Variants in DST observed in about 807,000 individuals in gnomAD.
The protein encoded by DST is bullous pemphigoid antigen.
In DST, 253 loss-of-function variants were observed where a neutral mutation model predicts 875.2. The observed-to-expected ratio is 0.29, with a 90% CI of 0.26 to 0.32. The LOEUF is 0.32. Ranked by LOEUF, DST falls within the 10% of genes least tolerant of loss-of-function variation. The pLI, the probability that DST is intolerant of heterozygous loss-of-function variation, is 1.00. For missense variants in DST, 8,287 were observed against 9,111.6 expected (o/e 0.91, Z 3.68); for synonymous variants, 3,124 against 3,197.1 (o/e 0.98, Z 0.77).
At position 56,577,649 on chromosome 6, in the gene DST, T is replaced by G. The variant is rs547697050; in HGVS notation, c.13027+1165A>C. Among the ~76,000 whole-genome samples, 66 of 152,286 alleles carry G rather than the reference T, an allele frequency of 4.3e-4. 1 individual carries two copies. The Middle Eastern group carries it at 0.02, about 47-fold the overall frequency. Reference sequence around the variant, plus strand: ...TTCCATTCTTCTCTTCAAATAAAATTTTGACTCAGATTTTAATTCATGCTC... The same window carrying G: ...TTCCATTCTTCTCTTCAAATAAAATGTTGACTCAGATTTTAATTCATGCTC... On this transcript the variant is annotated intron_variant, in intron 50 of 103. Transcript: ENST00000680361.
intron 4 of DST, among the ~76,000 whole-genome samples, chr6:56,802,080 A>G (rs758445534): frequency 6.6e-6 from 1 of 152,160 alleles, no homozygotes; most frequent in Non-Finnish European, 1.5e-5. Flanking sequence ...GAGAGAAACT[A>G]AAGCCAATTT....
intron 69 of DST, among the ~76,000 whole-genome samples, chr6:56,525,767 C>CA (rs1187773499): frequency 6.6e-6 from 1 of 152,194 alleles, no homozygotes; most frequent in East Asian, 1.9e-4. Flanking sequence ...TCATTGCCCA[C>CA]AGTCTTCCCA....
intron 4 of DST, among the ~76,000 whole-genome samples, chr6:56,742,936 C>T (rs1445485371): frequency 1.3e-5 from 2 of 152,100 alleles, no homozygotes; most frequent in Non-Finnish European, 2.9e-5. Context: ...GTAGTACTGT[C>T]CTCAGTTTAA....
chr6:56,594,193 C>T lies in DST; in HGVS notation c.12196G>A (p.Ala4066Thr). 6.6e-7 allele frequency: 1 copy of T among 1,512,410 alleles called. No individual in the cohort carries two copies. The highest frequency in any genetic ancestry group is 8.8e-7 in the Non-Finnish European group (1 of 1,137,188). The allele number at this position is 1,512,410 out of a possible 1,614,324, so 93.7% of individuals were successfully genotyped here. Residue 4066 changes from alanine (A) to threonine (T), a missense_variant and splice_region_variant, in exon 48 of 104, where the codon GCC (alanine) becomes ACC (threonine). Transcript: ENST00000680361. ...NLNQQYQKVK[A>T]QHEKIISQHQ... Reference sequence around the variant, plus strand: ...TGAGAGATGATCTTCTCGTGTTGGGCCTATGTGAAAACAAATTGATCATAA... The same window carrying T: ...TGAGAGATGATCTTCTCGTGTTGGGTCTATGTGAAAACAAATTGATCATAA...
chr6:56,808,758 T>C (rs1336682067), intron 4 of DST, among the ~76,000 whole-genome samples: 1 of 152,180 alleles, frequency 6.6e-6, no homozygotes, highest in Non-Finnish European at 1.5e-5. Flanking sequence ...GAGGTTAAAA[T>C]AAATGAACCA....
Position 56,535,214 on chromosome 6 carries a change from T to C in DST, c.16849A>G (p.Ser5617Gly). Reference protein sequence around the residue: ...RFQDALESLLSWMVDTEELVA... With the variant: ...RFQDALESLLGWMVDTEELVA... ...AGCTCCTCAGTGTCCACCATCCAGC[T>C]GAGCAGGGACTCCAGGGCATCCTGG... Residue 5617 changes from serine to glycine, a missense_variant, in exon 63 of 104, where the codon AGC (serine) becomes GGC (glycine). Transcript: ENST00000680361. 1 of 1,613,792 alleles carries C rather than the reference T, an allele frequency of 6.2e-7. No individual in the cohort carries two copies.
intron 4 of DST, among the ~76,000 whole-genome samples, chr6:56,825,300 G>A (rs544729415): frequency 0.033 from 4,853 of 147,594 alleles, 105 homozygotes; most frequent in Middle Eastern, 0.058. Flanking sequence ...CTTGAAGGCA[G>A]CATGCTCGTT....
At chr6:56,922,336 C>G (rs1436493969) in intron 2 of DST, among the ~76,000 whole-genome samples, 2 of 152,198 alleles carry the variant, frequency 1.3e-5, no homozygotes, top group East Asian at 1.9e-4. Context: ...ACATCATGGT[C>G]CAGGTCCTGC....
At chr6:56,843,195 AACCCCCGG>A in intron 4 of DST, 1 of 1,499,046 alleles carries the variant, frequency 6.7e-7, no homozygotes. Flanking sequence ...TCCCCCTCGT[AACCCCCGG>A]ACAGTATCGC....
chr6:56,693,385 C>A, intron 9 of DST: 1 of 1,119,396 alleles, frequency 8.9e-7, no homozygotes, highest in Non-Finnish European at 1.1e-6. Flanking sequence ...TATTTCTGGC[C>A]ACCAATCCTC....
intron 49 of DST, among the ~76,000 whole-genome samples, chr6:56,590,548 T>C (rs9349836): frequency 0.29 from 44,509 of 151,980 alleles, 8,017 homozygotes; most frequent in Admixed American, 0.4. Flanking sequence ...TGTCCTTGAA[T>C]ATACAATACA....
intron 70 of DST, 88 bp from the exon 71 acceptor site, chr6:56,517,393 C>T (rs1169556577): frequency 1.9e-6 from 3 of 1,582,258 alleles, no homozygotes; most frequent in African/African-American, 1.4e-5. Context: ...TTAAAAATAT[C>T]ACGTTACACT....
In DST at chr6:56,604,528, T is replaced by C; in HGVS notation, c.10100A>G (p.His3367Arg). Residue 3367 changes from histidine to arginine, a missense_variant, in exon 40 of 104, where the codon CAT (histidine) becomes CGT (arginine). Coordinates refer to ENST00000680361, the MANE Select transcript of DST (RefSeq NM_001374736.1). ...TTCTTCAACCTCTTGAGGGTTCATA[T>C]GACCTTCTTTCAACCTGCTTTTTAA... ...DILKSRLKEG[H>R]MNPQEVEEPS... The C allele has an allele frequency of 1.2e-6, 2 of 1,612,540 alleles. No individual in the cohort carries two copies. Among genetic ancestry groups the C allele is most frequent in the Non-Finnish European group, 1.7e-6 (2 of 1,179,094 alleles).
chr6:56,508,414 T>C (rs541526219), intron 75 of DST, 115 bp downstream of exon 75: 2 of 861,288 alleles, frequency 2.3e-6, no homozygotes, highest in African/African-American at 3.4e-5. Flanking sequence ...GCACATTCCA[T>C]TTTCAGAACC....
intron 4 of DST, among the ~76,000 whole-genome samples, chr6:56,739,424 C>G (rs964999531): frequency 2.6e-5 from 4 of 151,928 alleles, no homozygotes; most frequent in African/African-American, 9.7e-5. Context: ...TCTGTACTTC[C>G]CTCATTTACT....
chr6:56,778,941 T>C (rs1246739549), intron 4 of DST, among the ~76,000 whole-genome samples: 20 of 152,038 alleles, frequency 1.3e-4, no homozygotes, highest in Admixed American at 2.6e-4. Flanking sequence ...TAGTTCTAGA[T>C]CCCTGAGGAA....
intron 31 of DST, among the ~76,000 whole-genome samples, chr6:56,629,713 G>C (rs2098761838): frequency 6.6e-6 from 1 of 152,002 alleles, no homozygotes; most frequent in South Asian, 2.1e-4. Flanking sequence ...AAGCAAGTTT[G>C]CTACCTCCAT....
intron 4 of DST, among the ~76,000 whole-genome samples, chr6:56,761,628 G>A (rs1165997564): frequency 1.3e-5 from 2 of 151,848 alleles, no homozygotes; most frequent in Admixed American, 1.3e-4. Context: ...TTTTACAGAT[G>A]CCCGGGTTTC....
chr6:56,901,677 A>G (rs1794208468), intron 2 of DST, among the ~76,000 whole-genome samples: 1 of 152,044 alleles, frequency 6.6e-6, no homozygotes, highest in Non-Finnish European at 1.5e-5. Context: ...GTGTATATAT[A>G]TATACATGTA....
Sources: gnomAD v4.1 joint callset for allele counts (sites outside exome capture counted in the v4.1 genomes callset) on GRCh38, gnomAD v4.1.1 for gene constraint, MANE v1.5 for transcripts, NCBI Gene and HGNC (gene_info 2026-07-23, HGNC 2026-07-21) for gene names.